RASGEF1C: variants seen among roughly 807,000 people sequenced by gnomAD.
The protein encoded by RASGEF1C is RasGEF domain family member 1C.
In RASGEF1C, 27 loss-of-function variants were observed where a neutral mutation model predicts 58.1. The observed-to-expected ratio is 0.46, with a 90% CI of 0.34 to 0.64. RASGEF1C has a LOEUF of 0.64. Among genes scored for constraint, RASGEF1C ranks in the 30% least tolerant of loss-of-function variants. The probability of loss-of-function intolerance (pLI) is 0.01; values close to 1 mark genes in which losing one functional copy is unlikely to be tolerated. For synonymous variants in RASGEF1C, 243 were observed against 246.3 expected (o/e 0.99, Z 0.13); for missense variants, 502 against 605.1 (o/e 0.83, Z 1.79).
Position 180,194,273 on chromosome 5 carries a change from G to A in RASGEF1C, c.-7+14755C>T, listed in dbSNP as rs79305325. 3.8e-3 allele frequency among the ~76,000 whole-genome samples: 586 copies of A among 152,328 alleles called. 21 individuals are homozygous for A. The East Asian group carries it at 0.08, about 21-fold the overall frequency. ...TTATATGAAATGCGCATCTGTCAAC[G>A]GCTCTGCTCCTGAAATTGGTTAGAG... On this transcript the variant is annotated intron_variant, in intron 1 of 13. Transcript: ENST00000361132.
intron 12 of RASGEF1C, among the ~76,000 whole-genome samples, chr5:180,106,223 A>G (rs1371667452): frequency 6.6e-6 from 1 of 152,160 alleles, no homozygotes; most frequent in African/African-American, 2.4e-5. Flanking sequence ...AGATGGCAGC[A>G]ATTTTATTGT....
At chr5:180,139,666 G>A (rs994075012) in intron 1 of RASGEF1C, among the ~76,000 whole-genome samples, 5 of 152,204 alleles carry the variant, frequency 3.3e-5, no homozygotes, top group African/African-American at 7.2e-5. Context: ...CAATGAAACC[G>A]TAAAATTTCA....
intron 11 of RASGEF1C, among the ~76,000 whole-genome samples, chr5:180,112,957 A>T (rs1765985351): frequency 6.8e-6 from 1 of 147,282 alleles, no homozygotes; most frequent in African/African-American, 2.5e-5. Context: ...GGATGGACGG[A>T]GGGACCGGGG....
At chr5:180,174,574 C>T (rs968687241) in intron 1 of RASGEF1C, among the ~76,000 whole-genome samples, 4 of 145,922 alleles carry the variant, frequency 2.7e-5, no homozygotes, top group African/African-American at 1.0e-4. Context: ...GCACGTGTGT[C>T]TGTGTGTGCG....
In RASGEF1C at chr5:180,168,719, GCT is replaced by G. The variant is rs1416111953; in HGVS notation, c.-6-30663_-6-30662del. Among the ~76,000 whole-genome samples the G allele has an allele frequency of 3.3e-5, 5 of 152,186 alleles. No homozygotes were observed. The highest frequency in any genetic ancestry group is 1.3e-4 in the Admixed American group (2 of 15,280). Reference sequence around the variant, plus strand: ...AGGCCTCGCCCTCTTGGAATTCTGGGCTCCTGTGGGACCTACGCAATGCTCCC... The same window carrying G: ...AGGCCTCGCCCTCTTGGAATTCTGGGCCTGTGGGACCTACGCAATGCTCCC... On this transcript the variant is annotated intron_variant, in intron 1 of 13. Coordinates refer to ENST00000361132, the MANE Select transcript of RASGEF1C (RefSeq NM_175062.4). This position sits in a 1 kb window ranked among gnomAD's most constrained non-coding sequence, Gnocchi z 6.0.
intron 1 of RASGEF1C, among the ~76,000 whole-genome samples, chr5:180,174,989 G>A (rs1014648737): frequency 2.6e-5 from 4 of 152,116 alleles, no homozygotes; most frequent in Non-Finnish European, 5.9e-5. Flanking sequence ...CCAGGCACAG[G>A]GACTCTGCTT....
intron 11 of RASGEF1C, among the ~76,000 whole-genome samples, chr5:180,113,608 T>TCGGGGATGGACGGAGGGATC: frequency 1.7e-5 from 1 of 58,656 alleles, no homozygotes; most frequent in Admixed American, 1.9e-4. Flanking sequence ...GACGGAGGGA[T>TCGGGGATGGACGGAGGGATC]CGGGGATGGA....
chr5:180,121,637 TCACACACACACACACACACA>T (rs762495633), intron 6 of RASGEF1C, among the ~76,000 whole-genome samples: 2 of 113,260 alleles, frequency 1.8e-5, no homozygotes, highest in African/African-American at 3.3e-5. Context: ...AAATGTAACT[TCACACACACACACACACACA>T]CACACACACA....
chr5:180,148,010 A>C (rs1766685371), intron 1 of RASGEF1C, among the ~76,000 whole-genome samples: 1 of 152,144 alleles, frequency 6.6e-6, no homozygotes, highest in African/African-American at 2.4e-5. Flanking sequence ...TTTTTGCTTC[A>C]TATATTTTAA....
intron 1 of RASGEF1C, among the ~76,000 whole-genome samples, chr5:180,161,383 A>C (rs1425637630): frequency 1.3e-5 from 2 of 152,266 alleles, no homozygotes; most frequent in Non-Finnish European, 2.9e-5. Context: ...CGGAGGTGGC[A>C]AGAACTGGCC....
chr5:180,103,368 C>T (rs1045519566), intron 12 of RASGEF1C, among the ~76,000 whole-genome samples: 27 of 152,220 alleles, frequency 1.8e-4, no homozygotes, highest in African/African-American at 2.9e-4. Context: ...TGAGCCACCG[C>T]ACCCGGCACA....
rs573786115 is a variant in RASGEF1C at position 180,128,755 on chromosome 5, A to G, written c.439-145T>C. Reference sequence around the variant, plus strand: ...AAGGCCAGGTACCAGCGCAGGGGCCAGGACCTGCCCCTACCCTGAAACAGG... The same window carrying G: ...AAGGCCAGGTACCAGCGCAGGGGCCGGGACCTGCCCCTACCCTGAAACAGG... On this transcript the variant is annotated intron_variant, in intron 4 of 13. Coordinates refer to ENST00000361132, the MANE Select transcript of RASGEF1C (RefSeq NM_175062.4). 7.4e-5 allele frequency: 60 copies of G among 811,618 alleles called. No homozygotes were observed. In the African/African-American group the frequency reaches 8.9e-4, roughly 12 times the overall value. 50.3% of individuals were successfully genotyped at this position (811,618 alleles called of 1,614,324 possible).
chr5:180,142,483 A>G (rs55963714), intron 1 of RASGEF1C, among the ~76,000 whole-genome samples: 54,893 of 152,068 alleles, frequency 0.36, 11,408 homozygotes, highest in East Asian at 0.47. Flanking sequence ...CTGAGAAAAT[A>G]AAGGGGACAA....
chr5:180,176,531 G>A (rs1462945399), intron 1 of RASGEF1C, among the ~76,000 whole-genome samples: 1 of 151,986 alleles, frequency 6.6e-6, no homozygotes, highest in African/African-American at 2.4e-5. Flanking sequence ...AGGTAACAGA[G>A]GGCCTTGGCT....
intron 6 of RASGEF1C, 53 bp from the exon 7 acceptor site, chr5:180,121,202 C>G: frequency 8.0e-7 from 1 of 1,253,326 alleles, no homozygotes. Flanking sequence ...TGTCTATCAT[C>G]TTTTAGAGCA....
Position 180,191,514 on chromosome 5 carries a change from G to A in RASGEF1C, c.-7+17514C>T, listed in dbSNP as rs554755680. ...TGGGACTACAGGCGCCCGCCACCAC[G>A]GCCGGCTGATTTTTTGTATATTTAG... On this transcript the variant is annotated intron_variant, in intron 1 of 13. Transcript: ENST00000361132. Among the ~76,000 whole-genome samples, 301 of 152,164 alleles carry A rather than the reference G, an allele frequency of 2.0e-3. 1 individual carries two copies. The highest frequency in any genetic ancestry group is 6.7e-3 in the African/African-American group (279 of 41,516).
At chr5:180,116,640 C>A (rs1209360884) in intron 10 of RASGEF1C, among the ~76,000 whole-genome samples, 1 of 152,256 alleles carries the variant, frequency 6.6e-6, no homozygotes, top group Non-Finnish European at 1.5e-5. Context: ...AGAACACAGG[C>A]ATCCGAATCC....
intron 6 of RASGEF1C, among the ~76,000 whole-genome samples, 195 bp downstream of exon 6, chr5:180,127,414 G>GGGGACTC (rs1766280559): frequency 6.6e-6 from 1 of 152,238 alleles, no homozygotes; most frequent in South Asian, 2.1e-4. Flanking sequence ...CAGGCTTTCC[G>GGGGACTC]GGGACTCGGG....
At position 180,136,389 on chromosome 5, in the gene RASGEF1C, G is replaced by C; in HGVS notation, c.427C>G (p.Pro143Ala). The C allele has an allele frequency of 6.4e-7, 1 of 1,557,076 alleles. No homozygotes were observed. Among genetic ancestry groups the C allele is most frequent in the Admixed American group, 1.9e-5 (1 of 52,428 alleles). The stretch of plus-strand genomic sequence containing the variant: ...GCCCAGCTGCCCACCTCGTCACAGG[G>C]GGCGATGCGGCCCACGACGTCCTTA... ...HLKDVVGRIAPCDEAYRKRMH... is the reference protein window; with the variant it reads ...HLKDVVGRIAACDEAYRKRMH... Residue 143 changes from proline to alanine, a missense_variant, in exon 4 of 14, where the codon CCC becomes GCC. Transcript: ENST00000361132.
Sources: allele counts gnomAD v4.1 joint callset (sites outside exome capture counted in the v4.1 genomes callset), GRCh38; gene constraint gnomAD v4.1.1; non-coding constraint Gnocchi (gnomAD v3.1); transcripts MANE v1.5; gene names NCBI Gene and HGNC (gene_info 2026-07-23, HGNC 2026-07-21).